The following GRIK4 variants were observed in gnomAD, a reference collection of about 807,000 sequenced individuals.
The protein encoded by GRIK4 is glutamate ionotropic receptor kainate type subunit 4.
GRIK4 carries 40 observed loss-of-function variants against 104.9 expected under a neutral mutation model. The observed-to-expected ratio is 0.38, with a 90% confidence interval of 0.30 to 0.50. The LOEUF (loss-of-function observed/expected upper bound fraction) is 0.50. Among genes scored for constraint, GRIK4 ranks in the 20% least tolerant of loss-of-function variants. The pLI is 0.93. For missense variants in GRIK4, 1,047 were observed against 1,308.1 expected (o/e 0.80, Z 3.08); for synonymous variants, 485 against 524.9 (o/e 0.92, Z 1.04).
chr11:120,757,966 A>T (rs1365487962), intron 3 of GRIK4, among the ~76,000 whole-genome samples: 1 of 152,162 alleles, frequency 6.6e-6, no homozygotes, highest in African/African-American at 2.4e-5. Flanking sequence ...GTAGAGACTG[A>T]TGTCCAAGCT....
chr11:120,753,606 A>T (rs1034951466), intron 3 of GRIK4, among the ~76,000 whole-genome samples: 1 of 152,154 alleles, frequency 6.6e-6, no homozygotes. Context: ...TTGGCAAAAC[A>T]GTCATCATTT....
Position 120,939,446 on chromosome 11 carries a change from G to A in GRIK4, c.1477-901G>A, listed in dbSNP as rs1397141138. Among the ~76,000 whole-genome samples, 1 of 152,194 alleles carries A rather than the reference G, an allele frequency of 6.6e-6. No homozygotes were observed. Among genetic ancestry groups the A allele is most frequent in the South Asian group, 2.1e-4 (1 of 4,832 alleles). ...GTTTCACCTGGACAGCGACATAAGT[G>A]GCCAGTGATCCAGGAGGCCTGAATC... On this transcript the variant is annotated intron_variant, in intron 13 of 20. Coordinates refer to ENST00000527524, the MANE Select transcript of GRIK4 (RefSeq NM_014619.5). This position sits in a 1 kb window ranked among gnomAD's most constrained non-coding sequence, Gnocchi z 5.6.
intron 1 of GRIK4, among the ~76,000 whole-genome samples, chr11:120,629,895 G>T (rs7936516): frequency 0.58 from 87,696 of 152,078 alleles, 27,424 homozygotes; most frequent in African/African-American, 0.84. Context: ...CTCTGCTGAC[G>T]GGGCCTGTCC....
chr11:120,830,279 G>A (rs1375663096), intron 6 of GRIK4, among the ~76,000 whole-genome samples: 1 of 151,880 alleles, frequency 6.6e-6, no homozygotes, highest in African/African-American at 2.4e-5. Flanking sequence ...CCCAGGCACT[G>A]TGCCCACTGC....
chr11:120,906,790 G>A (rs1203178343), intron 13 of GRIK4, among the ~76,000 whole-genome samples: 1 of 152,158 alleles, frequency 6.6e-6, no homozygotes, highest in African/African-American at 2.4e-5. Context: ...GAACATGGAC[G>A]GCATCTGCAA....
intron 13 of GRIK4, among the ~76,000 whole-genome samples, chr11:120,912,806 G>T (rs1018036221): frequency 1.3e-5 from 2 of 152,240 alleles, no homozygotes; most frequent in African/African-American, 4.8e-5. Context: ...TTGGGGAAAT[G>T]CAGGGACGTT....
chr11:120,703,623 C>T (rs1416338227), intron 3 of GRIK4, among the ~76,000 whole-genome samples: 2 of 151,852 alleles, frequency 1.3e-5, no homozygotes, highest in Admixed American at 6.6e-5. Flanking sequence ...TAAATCCTAC[C>T]GTCTGTCAAT....
At chr11:120,683,510 A>G (rs1950229622) in intron 3 of GRIK4, among the ~76,000 whole-genome samples, 1 of 152,188 alleles carries the variant, frequency 6.6e-6, no homozygotes, top group Non-Finnish European at 1.5e-5. Context: ...TATTAGAAGA[A>G]GAGGTCCCAG....
At position 120,837,948 on chromosome 11, in the gene GRIK4, G is replaced by A. The variant is rs576934104; in HGVS notation, c.744+1104G>A. 9.9e-5 allele frequency among the ~76,000 whole-genome samples: 15 copies of A among 152,278 alleles called. No individual in the cohort carries two copies. In the South Asian group the frequency reaches 2.3e-3, roughly 23 times the overall value. On this transcript the variant is annotated intron_variant, in intron 8 of 20. Coordinates refer to ENST00000527524, the MANE Select transcript of GRIK4 (RefSeq NM_014619.5). The stretch of plus-strand genomic sequence containing the variant: ...CCAGAGAGGCTCCCTAAATTAGGCC[G>A]GCAACATGAGTAGAGGAGGAAGGAA...
intron 1 of GRIK4, among the ~76,000 whole-genome samples, chr11:120,582,756 C>T (rs549683410): frequency 2.8e-4 from 43 of 152,204 alleles, no homozygotes; most frequent in African/African-American, 8.7e-4. Flanking sequence ...TCCAGTCTAC[C>T]GTTGATGGGC....
rs1233491391 is a variant in GRIK4 at position 120,962,685 on chromosome 11, T to G, written c.2266+4T>G. The G allele has an allele frequency of 9.4e-6, 15 of 1,602,944 alleles. No homozygotes were observed. Among genetic ancestry groups the G allele is most frequent in the Non-Finnish European group, 1.3e-5 (15 of 1,169,894 alleles). On this transcript the variant is annotated splice_donor_region_variant and intron_variant, in intron 18 of 20. Coordinates refer to ENST00000527524, the MANE Select transcript of GRIK4 (RefSeq NM_014619.5). ...TATGGGATTGGCATGCCAGTCGGTA[T>G]GCGGGAGAGGAACAGCCTCTTTGGG... is the stretch of plus-strand genomic sequence containing the variant.
At chr11:120,984,456 ATAATAG>A (rs999418663) in intron 20 of GRIK4, among the ~76,000 whole-genome samples, 3 of 152,186 alleles carry the variant, frequency 2.0e-5, no homozygotes, top group Non-Finnish European at 4.4e-5. Flanking sequence ...GGATATAATA[ATAATAG>A]TAATAGTAGT....
intron 13 of GRIK4, among the ~76,000 whole-genome samples, chr11:120,911,324 C>T (rs548592556): frequency 9.3e-5 from 14 of 149,944 alleles, no homozygotes; most frequent in Middle Eastern, 3.4e-3. Flanking sequence ...CTGCAAGCTC[C>T]GCCTCCCGGG....
chr11:120,526,781 A>G (rs1304154456), intron 1 of GRIK4, among the ~76,000 whole-genome samples: 2 of 152,150 alleles, frequency 1.3e-5, no homozygotes, highest in African/African-American at 4.8e-5. Context: ...GCAGTGAGCC[A>G]GAGGTTGCAG....
Position 120,644,816 on chromosome 11 carries a change from C to T in GRIK4, c.-158-8869C>T, listed in dbSNP as rs563675858. Among the ~76,000 whole-genome samples the T allele has an allele frequency of 1.3e-3, 202 of 152,194 alleles. 1 individual carries two copies. The highest frequency in any genetic ancestry group is 2.1e-3 in the Non-Finnish European group (145 of 68,016). The stretch of plus-strand genomic sequence containing the variant: ...GTACTTGAATTTGTCCTTTTCCTTT[C>T]GGTCTTAGAGCATGTTAAGAACTTG... On this transcript the variant is annotated intron_variant, in intron 1 of 20. Transcript: ENST00000527524.
chr11:120,697,570 G>A (rs188298599), intron 3 of GRIK4, among the ~76,000 whole-genome samples: 4 of 152,284 alleles, frequency 2.6e-5, no homozygotes, highest in Admixed American at 2.0e-4. Context: ...AGCCGAGATT[G>A]CACCATTGCA....
rs576794298 is a variant in GRIK4, at chr11:120,819,815, A to G, written c.406A>G (p.Thr136Ala). 1 of 1,613,878 alleles carries G rather than the reference A, an allele frequency of 6.2e-7. No homozygotes were observed. The highest frequency in any genetic ancestry group is 1.1e-5 in the South Asian group (1 of 91,060). The change falls in exon 6 of 21, where the codon ACC (threonine) becomes GCC (alanine). Residue 136 changes from threonine to alanine, a missense_variant. Physicochemically the swap from Thr to Ala is moderately conservative, Grantham distance 58. Transcript: ENST00000527524. This position sits in a 1 kb window ranked among gnomAD's most constrained non-coding sequence, Gnocchi z 4.3. ...CAAGTTCCAGTTCCAGAGATTCACA[A>G]CCCTGAACCTCCACCCCAGCAACAC... ...FVKFQFQRFT[T>A]LNLHPSNTDI...
chr11:120,854,025 A>AT (rs1425219277), intron 8 of GRIK4, among the ~76,000 whole-genome samples: 1 of 152,248 alleles, frequency 6.6e-6, no homozygotes, highest in African/African-American at 2.4e-5. Flanking sequence ...ACATGTGAAA[A>AT]TGAATAAAAC....
At chr11:120,523,392 C>G (rs1190522858) in intron 1 of GRIK4, among the ~76,000 whole-genome samples, 1 of 152,030 alleles carries the variant, frequency 6.6e-6, no homozygotes, top group African/African-American at 2.4e-5. Context: ...TGGGCTCTCT[C>G]TTGCCCTCAG....
Sources: gnomAD v4.1 joint callset for allele counts (sites outside exome capture counted in the v4.1 genomes callset) on GRCh38, gnomAD v4.1.1 for gene constraint, Gnocchi (gnomAD v3.1) non-coding constraint, MANE v1.5 for transcripts, NCBI Gene and HGNC (gene_info 2026-07-23, HGNC 2026-07-21) for gene names.